SUGCT: variants seen among roughly 807,000 people sequenced by gnomAD.
SUGCT encodes the protein succinyl-CoA:glutarate CoA-transferase.
Under a neutral mutation model 55.0 loss-of-function variants are expected in SUGCT, and 41 were observed. That is an observed-to-expected ratio of 0.74 (90% CI 0.58 to 0.97). The LOEUF (loss-of-function observed/expected upper bound fraction) is 0.97, where lower values mean the gene tolerates loss of function less well. Ranked by LOEUF, SUGCT falls within the 50% of genes least tolerant of loss-of-function variation. SUGCT has a pLI of 0.00. For missense variants in SUGCT, 568 were observed against 547.8 expected, an observed-to-expected ratio of 1.04 and a Z score of -0.37; for synonymous variants, 187 against 200.4, an observed-to-expected ratio of 0.93 and a Z score of 0.56.
intron 12 of SUGCT, among the ~76,000 whole-genome samples, chr7:40,564,690 T>A (rs1246823614): frequency 6.6e-6 from 1 of 152,202 alleles, no homozygotes; most frequent in Non-Finnish European, 1.5e-5. Flanking sequence ...TACTGAGCCC[T>A]GGGACCTGGG....
chr7:40,385,750 A>G (rs1028780491), intron 9 of SUGCT, among the ~76,000 whole-genome samples: 1 of 152,222 alleles, frequency 6.6e-6, no homozygotes. Context: ...TTTTTGTACT[A>G]AAGTTGAGAA....
intron 9 of SUGCT, among the ~76,000 whole-genome samples, chr7:40,322,960 G>C (rs73135054): frequency 3.6e-5 from 1 of 27,518 alleles, no homozygotes; most frequent in African/African-American, 1.5e-4. Flanking sequence ...GCGAGACCCT[G>C]TCTCAAATAA....
chr7:40,807,136 C>A (rs2128754226), intron 13 of SUGCT, among the ~76,000 whole-genome samples: 1 of 152,308 alleles, frequency 6.6e-6, no homozygotes, highest in African/African-American at 2.4e-5. Flanking sequence ...AGCTTTATTT[C>A]TTTACAGTCC....
At chr7:40,334,856 G>C (rs139610761) in intron 9 of SUGCT, among the ~76,000 whole-genome samples, 1 of 152,102 alleles carries the variant, frequency 6.6e-6, no homozygotes, top group Non-Finnish European at 1.5e-5. Context: ...GTAATGCCTA[G>C]GTTTTCTTCT....
At chr7:40,745,828 T>C (rs1046251556) in intron 12 of SUGCT, among the ~76,000 whole-genome samples, 17 of 152,320 alleles carry the variant, frequency 1.1e-4, no homozygotes, top group African/African-American at 3.8e-4. Flanking sequence ...AAGAATGCCC[T>C]GAATGGCCAG....
chr7:40,440,298 T>TACAGGCA (rs1788444524), intron 9 of SUGCT, among the ~76,000 whole-genome samples: 1 of 151,882 alleles, frequency 6.6e-6, no homozygotes, highest in African/African-American at 2.4e-5. Flanking sequence ...TAGCTGGGAC[T>TACAGGCA]ACAGGCATGC....
chr7:40,578,442 T>C (rs139762636), intron 12 of SUGCT, among the ~76,000 whole-genome samples: 1 of 152,068 alleles, frequency 6.6e-6, no homozygotes, highest in South Asian at 2.1e-4. Flanking sequence ...TATCTGGATG[T>C]TTAAAAGCTG....
chr7:40,267,857 A>G (rs537732755), intron 7 of SUGCT, among the ~76,000 whole-genome samples: 2 of 152,340 alleles, frequency 1.3e-5, no homozygotes, highest in East Asian at 3.9e-4. Context: ...ACATTTTCAC[A>G]GTATGAGCAT....
At chr7:40,370,412 T>G (rs952995651) in intron 9 of SUGCT, among the ~76,000 whole-genome samples, 1 of 151,918 alleles carries the variant, frequency 6.6e-6, no homozygotes, top group Non-Finnish European at 1.5e-5. Flanking sequence ...TGATCAGGAG[T>G]GATTTCCCTC....
At chr7:40,762,954 AG>A (rs1177118595) in intron 13 of SUGCT, among the ~76,000 whole-genome samples, 1 of 151,970 alleles carries the variant, frequency 6.6e-6, no homozygotes, top group Non-Finnish European at 1.5e-5. Flanking sequence ...CTGGGATTAC[AG>A]GTGCCCACCG....
At chr7:40,977,216 G>T in the SUGCT span, among the ~76,000 whole-genome samples, 2 of 152,184 alleles carry the variant, frequency 1.3e-5, no homozygotes, top group Admixed American at 1.3e-4. Context: ...GCGGCTGCTG[G>T]GAGGGAGAGA....
chr7:40,485,363 ATG>A (rs1791271745), intron 11 of SUGCT, among the ~76,000 whole-genome samples: 1 of 146,052 alleles, frequency 6.8e-6, no homozygotes, highest in South Asian at 2.2e-4. Flanking sequence ...TTTCAAATAT[ATG>A]TGTCTGTCTA....
At chr7:40,695,166 TTTTTATTTA>T (rs1562950523) in intron 12 of SUGCT, among the ~76,000 whole-genome samples, 1 of 144,628 alleles carries the variant, frequency 6.9e-6, no homozygotes, top group East Asian at 2.1e-4. Flanking sequence ...TAAACCCTTA[TTTTTATTTA>T]TTTATTTATT....
chr7:40,941,478 G>A, the SUGCT span, among the ~76,000 whole-genome samples: 3 of 152,018 alleles, frequency 2.0e-5, no homozygotes, highest in Non-Finnish European at 4.4e-5. Flanking sequence ...GACTTGTTTT[G>A]TGGCCTCTCA....
intron 12 of SUGCT, among the ~76,000 whole-genome samples, chr7:40,643,851 G>A (rs534698876): frequency 3.3e-5 from 5 of 152,166 alleles, no homozygotes; most frequent in Non-Finnish European, 5.9e-5. Context: ...TTATCTGATT[G>A]CCTAACTGGG....
intron 11 of SUGCT, among the ~76,000 whole-genome samples, chr7:40,476,173 G>A (rs1790663099): frequency 6.6e-6 from 1 of 152,124 alleles, no homozygotes; most frequent in Non-Finnish European, 1.5e-5. Context: ...CTATGTCTAT[G>A]TATATGTCTG....
chr7:40,587,466 C>A (rs927281766), intron 12 of SUGCT, among the ~76,000 whole-genome samples: 2 of 152,038 alleles, frequency 1.3e-5, no homozygotes, highest in African/African-American at 4.8e-5. Context: ...TAAATATATA[C>A]AACACATATA....
Position 40,527,324 on chromosome 7 carries a change from T to C in SUGCT, c.1089+30938T>C, listed in dbSNP as rs550541295. 3.9e-5 allele frequency among the ~76,000 whole-genome samples: 6 copies of C among 152,350 alleles called. No homozygotes were observed. In the East Asian group the frequency reaches 7.7e-4, roughly 20 times the overall value. ...AAAAAGAGTTGCAGATTGATAGGTC[T>C]TTGAAAAATGTTTGGTGACACAAAA... On this transcript the variant is annotated intron_variant, in intron 12 of 13. Transcript: ENST00000335693.
the SUGCT span, among the ~76,000 whole-genome samples, chr7:40,954,144 A>G: frequency 5.9e-5 from 9 of 152,312 alleles, no homozygotes; most frequent in African/African-American, 2.2e-4. Context: ...CTCAAGCCTC[A>G]GCAATGGCGG....
Sources: allele counts gnomAD v4.1 joint callset (sites outside exome capture counted in the v4.1 genomes callset), GRCh38; gene constraint gnomAD v4.1.1; transcripts MANE v1.5; gene names NCBI Gene and HGNC (gene_info 2026-07-23, HGNC 2026-07-21).